Variants in NUP210L observed in about 807,000 individuals in gnomAD.
NUP210L encodes nucleoporin 210 like, also known as nuclear pore membrane glycoprotein 210-like.
NUP210L carries 74 observed loss-of-function variants against 208.5 expected under a neutral mutation model. That is an observed-to-expected ratio of 0.35 (90% CI 0.29 to 0.43). NUP210L has a LOEUF of 0.43. Among genes scored for constraint, NUP210L ranks in the 20% least tolerant of loss-of-function variants. The pLI is 1.00. For missense variants in NUP210L, 1,843 were observed against 2,289.4 expected (o/e 0.81, Z 3.98); for synonymous variants, 780 against 816.9 (o/e 0.95, Z 0.77).
intron 7 of NUP210L, among the ~76,000 whole-genome samples, chr1:154,132,317 T>G (rs1032842555): frequency 1.3e-5 from 2 of 152,228 alleles, no homozygotes; most frequent in Non-Finnish European, 2.9e-5. Context: ...ATCTTGATCC[T>G]CAATCTTTCT....
intron 7 of NUP210L, among the ~76,000 whole-genome samples, chr1:154,135,445 G>A (rs774315423): frequency 3.4e-5 from 5 of 149,244 alleles, no homozygotes; most frequent in African/African-American, 7.4e-5. Context: ...TTTTTGAGAC[G>A]GAGTCTCGCT....
At chr1:154,140,775 G>A (rs1386449305) in intron 4 of NUP210L, among the ~76,000 whole-genome samples, 2 of 151,422 alleles carry the variant, frequency 1.3e-5, no homozygotes, top group African/African-American at 4.9e-5. Context: ...GAGGTCAGGA[G>A]ATTGAGAACA....
intron 12 of NUP210L, among the ~76,000 whole-genome samples, chr1:154,117,252 G>A (rs1055483890): frequency 6.6e-6 from 1 of 152,180 alleles, no homozygotes; most frequent in African/African-American, 2.4e-5. Context: ...ATTAAGTGAA[G>A]CAAGATTCAA....
chr1:154,038,576 C>G lies in NUP210L; in HGVS notation c.3696+7493G>C, dbSNP rs140749825. 6.8e-3 allele frequency among the ~76,000 whole-genome samples: 1,033 copies of G among 152,104 alleles called. 11 individuals carry two copies. The highest frequency in any genetic ancestry group is 0.024 in the African/African-American group (989 of 41,510). The stretch of plus-strand genomic sequence containing the variant: ...GTCAGGCTGGTCTCAAACTCCTGAC[C>G]TCAGGTGACCTGCCTGCCTTGGCCT... On this transcript the variant is annotated intron_variant, in intron 27 of 39. Coordinates refer to ENST00000368559, the Ensembl canonical transcript of NUP210L.
chr1:154,128,296 G>A (rs1187312792), intron 8 of NUP210L, among the ~76,000 whole-genome samples: 1 of 151,894 alleles, frequency 6.6e-6, no homozygotes, highest in Non-Finnish European at 1.5e-5. Flanking sequence ...GACCAGCCTG[G>A]GCAACACGGC....
chr1:154,121,948 T>A (rs1040793193), intron 10 of NUP210L, among the ~76,000 whole-genome samples: 4 of 150,918 alleles, frequency 2.7e-5, no homozygotes, highest in African/African-American at 7.3e-5. Context: ...TACAAAAGCA[T>A]AAATGAATGA....
At chr1:154,054,702 G>C in intron 24 of NUP210L, 68 bp downstream of exon 24, 2 of 1,075,660 alleles carry the variant, frequency 1.9e-6, no homozygotes, top group Non-Finnish European at 2.9e-6. Flanking sequence ...AGAGAGGTGT[G>C]TGTGTGTGAG....
chr1:153,997,824 G>A, intron 37 of NUP210L, among the ~76,000 whole-genome samples: 1 of 150,838 alleles, frequency 6.6e-6, no homozygotes. Flanking sequence ...CGAGTAGCTG[G>A]GATTACAGGT....
At chr1:154,104,238 A>T (rs765791479) in intron 12 of NUP210L, 28 bp from the exon 13 acceptor site, 1 of 1,599,432 alleles carries the variant, frequency 6.3e-7, no homozygotes, top group Non-Finnish European at 8.6e-7. Context: ...ATCTTTCAAG[A>T]AAGTTATGTT....
At chr1:154,042,133 T>G (rs1175566362) in intron 27 of NUP210L, among the ~76,000 whole-genome samples, 1 of 151,922 alleles carries the variant, frequency 6.6e-6, no homozygotes, top group African/African-American at 2.4e-5. Context: ...AGGGTCTCAC[T>G]CTGTTACCCA....
At chr1:154,153,992 C>T (rs1034509808) in intron 1 of NUP210L, among the ~76,000 whole-genome samples, 2 of 152,132 alleles carry the variant, frequency 1.3e-5, no homozygotes, top group Non-Finnish European at 2.9e-5. Flanking sequence ...AAGCTCACTT[C>T]GGTTAGGTTC....
At chr1:154,051,238 C>T (rs577039662) in intron 25 of NUP210L, among the ~76,000 whole-genome samples, 2 of 151,984 alleles carry the variant, frequency 1.3e-5, no homozygotes, top group African/African-American at 4.8e-5. Flanking sequence ...GAGATGGAGT[C>T]TTGCTCTGTT....
intron 17 of NUP210L, among the ~76,000 whole-genome samples, chr1:154,062,503 A>AT (rs1273461264): frequency 7.9e-6 from 1 of 125,832 alleles, no homozygotes; most frequent in Non-Finnish European, 1.7e-5. Flanking sequence ...TTAATCATTC[A>AT]TTTTTCTTTC....
intron 14 of NUP210L, among the ~76,000 whole-genome samples, chr1:154,098,959 C>T (rs1330224507): frequency 6.6e-6 from 1 of 152,180 alleles, no homozygotes. Context: ...TGTTGGTGCC[C>T]AAAGTCTGGA....
At chr1:154,127,551 T>TTA in intron 8 of NUP210L, 134 bp from the exon 9 acceptor site, 1 of 316,744 alleles carries the variant, frequency 3.2e-6, no homozygotes, top group African/African-American at 2.7e-5. Context: ...CCAAAGTAGG[T>TTA]TCTTTTTTTT....
At chr1:154,121,976 T>C (rs547620721) in intron 10 of NUP210L, among the ~76,000 whole-genome samples, 14 of 150,572 alleles carry the variant, frequency 9.3e-5, no homozygotes, top group African/African-American at 1.2e-4. Context: ...AACAGACAAA[T>C]AGAGAAAAGT....
intron 25 of NUP210L, among the ~76,000 whole-genome samples, chr1:154,051,739 G>C (rs1411686792): frequency 6.6e-6 from 1 of 152,218 alleles, no homozygotes; most frequent in Non-Finnish European, 1.5e-5. Flanking sequence ...TTATGTACAT[G>C]TATGTGTGGA....
intron 35 of NUP210L, among the ~76,000 whole-genome samples, chr1:154,009,624 TAAAAA>T (rs35760411): frequency 7.2e-5 from 4 of 55,430 alleles, no homozygotes; most frequent in African/African-American, 1.4e-4. Context: ...ACGTTGCTCT[TAAAAA>T]AAAAAAAAAA....
intron 2 of NUP210L, among the ~76,000 whole-genome samples, chr1:154,145,238 T>C (rs1659058201): frequency 1.3e-5 from 2 of 150,354 alleles, no homozygotes; most frequent in East Asian, 3.9e-4. Context: ...GCCAACATGA[T>C]GAAACACCAT....
Sources: gnomAD v4.1 joint callset for allele counts (sites outside exome capture counted in the v4.1 genomes callset) on GRCh38, gnomAD v4.1.1 for gene constraint, MANE v1.5 for transcripts, NCBI Gene and HGNC (gene_info 2026-07-23, HGNC 2026-07-21) for gene names.